NAV3: variants seen among roughly 807,000 people sequenced by gnomAD.
The protein encoded by NAV3 is neuron navigator 3.
A neutral mutation model predicts 244.7 loss-of-function variants in NAV3; 87 were observed. The ratio of observed to expected loss-of-function variants is 0.36; its 90% confidence interval spans 0.30 to 0.42. NAV3 has a LOEUF of 0.42. Ranked by LOEUF, NAV3 falls within the 20% of genes least tolerant of loss-of-function variation. The pLI is 1.00. For synonymous variants in NAV3, 1,126 were observed against 1,042.2 expected (o/e 1.08, Z -1.55); for missense variants, 2,663 against 2,893.3 (o/e 0.92, Z 1.83).
intron 2 of NAV3, among the ~76,000 whole-genome samples, chr12:77,667,279 G>T (rs1227800153): frequency 6.6e-6 from 1 of 152,118 alleles, no homozygotes; most frequent in Non-Finnish European, 1.5e-5. Flanking sequence ...TGAAGGAACT[G>T]GATTGCTGCC....
chr12:77,578,034 T>C (rs1869174406), intron 2 of NAV3, among the ~76,000 whole-genome samples: 8 of 152,190 alleles, frequency 5.3e-5, no homozygotes, highest in Admixed American at 4.6e-4. Flanking sequence ...GAATATGCAA[T>C]GCCTGGGATA....
rs1375775487 is a variant in NAV3, at chr12:77,664,227, A to G, written c.72+91961A>G. On this transcript the variant is annotated intron_variant, in intron 2 of 8. Transcript: ENST00000550042. ...TTTGGATCTAAATTATTTTAGCAATACAATAAGAACTGAAAATAATTCCTT... is the reference window on the plus strand; with the variant it reads ...TTTGGATCTAAATTATTTTAGCAATGCAATAAGAACTGAAAATAATTCCTT... Among the ~76,000 whole-genome samples the G allele has an allele frequency of 2.6e-5, 4 of 152,366 alleles. No individual in the cohort carries two copies. The East Asian group carries it at 5.8e-4, about 22-fold the overall frequency.
At chr12:78,105,106 A>G (rs1476963317) in intron 12 of NAV3, among the ~76,000 whole-genome samples, 1 of 152,134 alleles carries the variant, frequency 6.6e-6, no homozygotes, top group Admixed American at 6.5e-5. Context: ...ACCAATATAC[A>G]TTTATGACAG....
chr12:78,150,717 C>T (rs887234489), intron 22 of NAV3, among the ~76,000 whole-genome samples: 10 of 150,828 alleles, frequency 6.6e-5, no homozygotes, highest in Middle Eastern at 3.4e-3. Flanking sequence ...GAATAATCTT[C>T]GGAGTGAACT....
intron 2 of NAV3, among the ~76,000 whole-genome samples, chr12:77,824,649 T>C (rs1872893462): frequency 6.6e-6 from 1 of 151,870 alleles, no homozygotes; most frequent in South Asian, 2.1e-4. Context: ...TCCCAGCACT[T>C]TGGGAGGCCG....
At chr12:77,840,768 G>T (rs1158838379) in intron 1 of NAV3, among the ~76,000 whole-genome samples, 1 of 152,160 alleles carries the variant, frequency 6.6e-6, no homozygotes, top group Non-Finnish European at 1.5e-5. Context: ...TCAGAGAGAT[G>T]CTAGGGCAGA....
At chr12:78,073,790 A>T (rs916498924) in intron 12 of NAV3, among the ~76,000 whole-genome samples, 1 of 152,208 alleles carries the variant, frequency 6.6e-6, no homozygotes, top group African/African-American at 2.4e-5. Flanking sequence ...ACTTCAAACT[A>T]TACTACAAGG....
chr12:77,688,811 G>A (rs1040941006), intron 2 of NAV3, among the ~76,000 whole-genome samples: 1 of 151,864 alleles, frequency 6.6e-6, no homozygotes. Context: ...GAGATATACA[G>A]GTGTAGGGAA....
rs1177247866 is a variant in NAV3 at position 77,689,582 on chromosome 12, G to GTGCA, written c.72+117317_72+117320dup. Among the ~76,000 whole-genome samples, 17 of 151,948 alleles carry GTGCA rather than the reference G, an allele frequency of 1.1e-4. No homozygotes were observed. In the East Asian group the frequency reaches 3.3e-3, roughly 29 times the overall value. ...GGTGGTTACCTTAGCAACTGTTGCAGTGCACTATACTTAGATGTTTTTCTC... is the reference window on the plus strand; with the variant it reads ...GGTGGTTACCTTAGCAACTGTTGCAGTGCATGCACTATACTTAGATGTTTTTCTC... On this transcript the variant is annotated intron_variant, in intron 2 of 8. Transcript: ENST00000550042.
chr12:78,180,112 C>G (rs1958436699), intron 29 of NAV3, among the ~76,000 whole-genome samples: 2 of 152,120 alleles, frequency 1.3e-5, no homozygotes, highest in Admixed American at 1.3e-4. Context: ...TCAACACAAG[C>G]TTTCTGAATA....
chr12:77,578,545 A>G (rs911326531), intron 2 of NAV3, among the ~76,000 whole-genome samples: 2 of 152,190 alleles, frequency 1.3e-5, no homozygotes, highest in Non-Finnish European at 2.9e-5. Flanking sequence ...ATGACACTCT[A>G]TATCTACAGT....
intron 9 of NAV3, among the ~76,000 whole-genome samples, chr12:78,045,188 A>G (rs1418331600): frequency 2.6e-5 from 4 of 152,160 alleles, no homozygotes; most frequent in East Asian, 1.9e-4. Context: ...TGAGATAATC[A>G]TGTGGTTTTT....
At chr12:77,796,175 G>T (rs563476219) in intron 2 of NAV3, among the ~76,000 whole-genome samples, 1 of 152,278 alleles carries the variant, frequency 6.6e-6, no homozygotes, top group Admixed American at 6.5e-5. Flanking sequence ...TGCCATTCTA[G>T]ATGCCATTGA....
At chr12:77,969,632 G>A (rs1479366809) in intron 5 of NAV3, among the ~76,000 whole-genome samples, 1 of 152,118 alleles carries the variant, frequency 6.6e-6, no homozygotes, top group African/African-American at 2.4e-5. Flanking sequence ...GTATCACAAG[G>A]TCAGGAGTTC....
At chr12:77,679,400 T>G (rs943376555) in intron 2 of NAV3, among the ~76,000 whole-genome samples, 7 of 152,086 alleles carry the variant, frequency 4.6e-5, no homozygotes, top group East Asian at 1.9e-4. Flanking sequence ...TGGGTAGAGT[T>G]TGATGCCATT....
intron 2 of NAV3, among the ~76,000 whole-genome samples, chr12:77,807,526 G>T (rs965296459): frequency 6.6e-6 from 1 of 152,184 alleles, no homozygotes; most frequent in Admixed American, 6.5e-5. Context: ...TGGCTTGAAG[G>T]GTTTCTGCCG....
At chr12:78,199,642 T>C (rs1467737696) in intron 37 of NAV3, 111 bp downstream of exon 37, 9 of 734,270 alleles carry the variant, frequency 1.2e-5, no homozygotes, top group Non-Finnish European at 1.8e-5. Context: ...TATTCAAGCT[T>C]CCAAAGATTT....
chr12:77,907,753 T>C (rs554541900), intron 1 of NAV3, among the ~76,000 whole-genome samples: 1 of 152,192 alleles, frequency 6.6e-6, no homozygotes, highest in South Asian at 2.1e-4. Context: ...AAGACTCCAG[T>C]ACCATTTTCT....
chr12:78,055,866 A>G (rs1021533472), intron 11 of NAV3, among the ~76,000 whole-genome samples: 1 of 152,200 alleles, frequency 6.6e-6, no homozygotes, highest in Non-Finnish European at 1.5e-5. Flanking sequence ...ACATCTGGCT[A>G]GTCTCTGCTG....
Sources: allele counts gnomAD v4.1 joint callset (sites outside exome capture counted in the v4.1 genomes callset), GRCh38; gene constraint gnomAD v4.1.1; transcripts MANE v1.5; gene names NCBI Gene and HGNC (gene_info 2026-07-23, HGNC 2026-07-21).